The following MSRA variants were observed in gnomAD, a reference collection of about 807,000 sequenced individuals.
MSRA encodes the protein methionine sulfoxide reductase A.
Under a neutral mutation model 31.3 loss-of-function variants are expected in MSRA, and 54 were observed. That is an observed-to-expected ratio of 1.73 (90% confidence interval 1.39 to 2.17). The LOEUF is 2.17. MSRA is among the 30% of genes most tolerant of loss of function. The pLI, the probability that MSRA is intolerant of heterozygous loss-of-function variation, is 0.00. For missense variants in MSRA, 507 were observed against 300.9 expected, an observed-to-expected ratio of 1.69 and a Z score of -5.07; for synonymous variants, 169 against 116.5, an observed-to-expected ratio of 1.45 and a Z score of -2.90.
intron 4 of MSRA, among the ~76,000 whole-genome samples, chr8:10,318,075 G>C (rs1404171669): frequency 1.3e-5 from 2 of 152,198 alleles, no homozygotes; most frequent in African/African-American, 4.8e-5. Context: ...CTCCCCAGCA[G>C]GTACCCTACA....
chr8:10,367,425 C>T (rs1393979605), intron 5 of MSRA, among the ~76,000 whole-genome samples: 11 of 152,036 alleles, frequency 7.2e-5, no homozygotes, highest in Admixed American at 6.5e-4. Flanking sequence ...ATATAGGGTC[C>T]CATATCCTCT....
intron 1 of MSRA, among the ~76,000 whole-genome samples, chr8:10,148,801 CAAAAAAA>C (rs372289649): frequency 1.1e-5 from 1 of 89,138 alleles, no homozygotes; most frequent in Admixed American, 1.2e-4. Flanking sequence ...GACCCTGTCG[CAAAAAAA>C]AAAAAAAAGG....
At chr8:10,067,067 A>C (rs538526383) in intron 1 of MSRA, among the ~76,000 whole-genome samples, 1 of 152,276 alleles carries the variant, frequency 6.6e-6, no homozygotes, top group South Asian at 2.1e-4. Context: ...GCTATCATCC[A>C]GTCTGTGGGT....
intron 1 of MSRA, 139 bp downstream of exon 1, chr8:10,054,797 C>G (rs1802225947): frequency 4.2e-6 from 4 of 962,826 alleles, no homozygotes; most frequent in Non-Finnish European, 5.4e-6. Flanking sequence ...TGCGCAGGCG[C>G]GAAGGGGCGC....
At chr8:10,141,652 G>C (rs1802716379) in intron 1 of MSRA, among the ~76,000 whole-genome samples, 1 of 151,618 alleles carries the variant, frequency 6.6e-6, no homozygotes, top group Admixed American at 6.6e-5. Context: ...TGCTGTAGTA[G>C]ACCTCTGAAA....
At chr8:10,425,850 G>A (rs1329871769) in intron 5 of MSRA, among the ~76,000 whole-genome samples, 3 of 152,224 alleles carry the variant, frequency 2.0e-5, no homozygotes, top group African/African-American at 7.2e-5. Flanking sequence ...TTGCTATTTG[G>A]ATACAGCTGT....
At chr8:10,233,651 A>C (rs1162229412) in intron 2 of MSRA, among the ~76,000 whole-genome samples, 2 of 152,232 alleles carry the variant, frequency 1.3e-5, no homozygotes, top group African/African-American at 4.8e-5. Context: ...AAAAAGAAGA[A>C]TGTATCTATC....
intron 1 of MSRA, among the ~76,000 whole-genome samples, chr8:10,113,559 A>T (rs934081336): frequency 1.3e-5 from 2 of 151,300 alleles, no homozygotes; most frequent in Non-Finnish European, 2.9e-5. Flanking sequence ...TGACAGTGAG[A>T]AGTGGTGGGC....
chr8:10,207,848 A>G lies in MSRA; in HGVS notation c.158A>G (p.Asn53Ser), dbSNP rs572633489. 17 of 1,611,958 alleles carry G rather than the reference A, an allele frequency of 1.1e-5. No individual in the cohort carries two copies. In the Admixed American group the frequency reaches 1.2e-4, roughly 11 times the overall value. The change falls in exon 2 of 6, where the codon AAT (asparagine) becomes AGT (serine). Residue 53 changes from asparagine (N) to serine (S), a missense_variant. Asn to Ser is a conservative substitution (Grantham distance 46). Coordinates refer to ENST00000317173, the MANE Select transcript of MSRA (RefSeq NM_012331.5). ...TTTTTTCTAGCCAAACATCATGTCAATGGCAACAGAACAGTCGAACCTTTC... is the reference window on the plus strand; with the variant it reads ...TTTTTTCTAGCCAAACATCATGTCAGTGGCAACAGAACAGTCGAACCTTTC... ...QTPVAAKHHV[N>S]GNRTVEPFPE...
intron 1 of MSRA, among the ~76,000 whole-genome samples, chr8:10,169,518 G>A (rs528794427): frequency 1.3e-4 from 20 of 152,266 alleles, no homozygotes; most frequent in African/African-American, 4.6e-4. Flanking sequence ...ATCAAACTTC[G>A]TGAAGAAAAC....
chr8:10,316,524 ATCCC>A lies in MSRA; in HGVS notation c.437-3356_437-3353del, dbSNP rs1371372483. On this transcript the variant is annotated intron_variant, in intron 4 of 5. Coordinates refer to ENST00000317173, the MANE Select transcript of MSRA (RefSeq NM_012331.5). ...TATAGGATTGTTAGCTACTTTGATG[ATCCC>A]TCTCTCTCTCTCTCTCTCTCTCTCT... Among the ~76,000 whole-genome samples the A allele has an allele frequency of 4.9e-3, 321 of 65,394 alleles. 3 individuals are homozygous for A. The highest frequency in any genetic ancestry group is 0.016 in the African/African-American group (296 of 18,720). The allele number at this position is 65,394 out of a possible 152,430, so 42.9% of individuals were successfully genotyped here.
At chr8:10,099,688 G>A (rs774839722) in intron 1 of MSRA, among the ~76,000 whole-genome samples, 1 of 152,160 alleles carries the variant, frequency 6.6e-6, no homozygotes, top group Non-Finnish European at 1.5e-5. Flanking sequence ...TTGTTTCTCT[G>A]TTGCTGGCTA....
chr8:10,347,760 C>A (rs1163163125), intron 5 of MSRA, among the ~76,000 whole-genome samples: 1 of 152,198 alleles, frequency 6.6e-6, no homozygotes, highest in Non-Finnish European at 1.5e-5. Flanking sequence ...GTTCATTACT[C>A]CTTGCCACAC....
intron 5 of MSRA, among the ~76,000 whole-genome samples, chr8:10,421,649 C>A (rs190843238): frequency 1.1e-4 from 16 of 152,254 alleles, no homozygotes; most frequent in African/African-American, 3.9e-4. Context: ...CTTTACTGGC[C>A]GCCCTAGAAG....
chr8:10,264,288 T>C (rs940811666), intron 3 of MSRA, among the ~76,000 whole-genome samples: 7 of 152,230 alleles, frequency 4.6e-5, no homozygotes, highest in African/African-American at 1.4e-4. Context: ...TATTAGCATG[T>C]AGCATTTAAC....
At chr8:10,070,313 C>G (rs190790560) in intron 1 of MSRA, among the ~76,000 whole-genome samples, 1 of 152,172 alleles carries the variant, frequency 6.6e-6, no homozygotes, top group Non-Finnish European at 1.5e-5. Flanking sequence ...CTGGAGTCAC[C>G]TAGTCACATT....
chr8:10,269,039 A>G (rs1470263854), intron 3 of MSRA, among the ~76,000 whole-genome samples: 1 of 152,240 alleles, frequency 6.6e-6, no homozygotes, highest in Non-Finnish European at 1.5e-5. Context: ...TTCCTTGCAC[A>G]GTCGTTTGTC....
chr8:10,065,319 C>T (rs1398277238), intron 1 of MSRA, among the ~76,000 whole-genome samples: 3 of 152,214 alleles, frequency 2.0e-5, no homozygotes, highest in Admixed American at 6.5e-5. Flanking sequence ...GAAACTTCAC[C>T]TGGTGGCCCA....
At chr8:10,057,319 G>T (rs569958534) in intron 1 of MSRA, among the ~76,000 whole-genome samples, 2 of 152,214 alleles carry the variant, frequency 1.3e-5, no homozygotes, top group Non-Finnish European at 2.9e-5. Flanking sequence ...TTCAGTGCCT[G>T]ACCACCAAGC....
Sources: gnomAD v4.1 joint callset for allele counts (sites outside exome capture counted in the v4.1 genomes callset) on GRCh38, gnomAD v4.1.1 for gene constraint, MANE v1.5 for transcripts, NCBI Gene and HGNC (gene_info 2026-07-23, HGNC 2026-07-21) for gene names.